Variants in ADAMTS17 observed in about 807,000 individuals in gnomAD.
ADAMTS17 encodes the protein ADAM metallopeptidase with thrombospondin type 1 motif 17, also known as A disintegrin and metalloproteinase with thrombospondin motifs 17.
A neutral mutation model predicts 141.5 loss-of-function variants in ADAMTS17; 113 were observed. The ratio of observed to expected loss-of-function variants is 0.80; its 90% CI spans 0.69 to 0.93. ADAMTS17 has a LOEUF of 0.93. Ranked by LOEUF, ADAMTS17 falls within the 40% of genes least tolerant of loss-of-function variation. ADAMTS17 has a pLI of 0.00. For missense variants in ADAMTS17, 1,659 were observed against 1,517.9 expected (o/e 1.09, Z -1.54); for synonymous variants, 768 against 630.6 (o/e 1.22, Z -3.27).
intron 8 of ADAMTS17, among the ~76,000 whole-genome samples, chr15:100,196,888 T>C (rs2041138597): frequency 6.6e-6 from 1 of 152,202 alleles, no homozygotes; most frequent in Non-Finnish European, 1.5e-5. Context: ...AAGACTTCCC[T>C]GGGAAACCTG....
chr15:100,341,613 G>T (rs1292936547), intron 1 of ADAMTS17, among the ~76,000 whole-genome samples: 8 of 150,162 alleles, frequency 5.3e-5, no homozygotes, highest in Non-Finnish European at 1.2e-4. Context: ...CCGGAACGGC[G>T]CCGCGCATCG....
At chr15:99,975,346 A>C (rs2060299073) in intron 21 of ADAMTS17, among the ~76,000 whole-genome samples, 2 of 152,028 alleles carry the variant, frequency 1.3e-5, no homozygotes, top group Admixed American at 6.6e-5. Flanking sequence ...AGGCGTGGGG[A>C]CTACAGGCAC....
At chr15:100,103,590 C>A (rs1269322528) in intron 14 of ADAMTS17, among the ~76,000 whole-genome samples, 1 of 135,680 alleles carries the variant, frequency 7.4e-6, no homozygotes, top group Non-Finnish European at 1.6e-5. Flanking sequence ...TTTTCTTTTC[C>A]TTTTTTGAGA....
intron 7 of ADAMTS17, among the ~76,000 whole-genome samples, chr15:100,212,243 C>A (rs1596290895): frequency 6.6e-6 from 1 of 152,176 alleles, no homozygotes; most frequent in East Asian, 1.9e-4. Context: ...GCCAGTCTGG[C>A]TGCAGATCCC....
Position 100,262,407 on chromosome 15 carries a change from A to G in ADAMTS17, c.818T>C (p.Leu273Pro), listed in dbSNP as rs2043554644. 3.1e-6 allele frequency: 5 copies of G among 1,613,840 alleles called. No individual in the cohort carries two copies. The highest frequency in any genetic ancestry group is 1.1e-5 in the South Asian group (1 of 91,068). The change falls in exon 5 of 22, where the codon CTG becomes CCG. Residue 273 changes from leucine (L) to proline (P), a missense_variant. Coordinates refer to ENST00000268070, the MANE Select transcript of ADAMTS17 (RefSeq NM_139057.4). ...MVYNMFQHQSLGIKINIQVTK... is the reference protein window; with the variant it reads ...MVYNMFQHQSPGIKINIQVTK... ...CACTTGAATGTTAATTTTAATCCCC[A>G]GGCTCTGGTGCTGAAACATATTGTA...
chr15:100,040,006 G>A (rs1191608309), intron 18 of ADAMTS17, among the ~76,000 whole-genome samples: 1 of 152,050 alleles, frequency 6.6e-6, no homozygotes, highest in Non-Finnish European at 1.5e-5. Flanking sequence ...TATTAGTATA[G>A]CACTCCTGCT....
At chr15:100,103,370 G>A (rs769054869) in intron 14 of ADAMTS17, among the ~76,000 whole-genome samples, 2 of 152,150 alleles carry the variant, frequency 1.3e-5, no homozygotes, top group Non-Finnish European at 2.9e-5. Flanking sequence ...TGTTACCTCT[G>A]CTTTACCTGG....
At chr15:100,141,547 G>A (rs2038654532) in intron 10 of ADAMTS17, among the ~76,000 whole-genome samples, 1 of 152,190 alleles carries the variant, frequency 6.6e-6, no homozygotes, top group Admixed American at 6.5e-5. Flanking sequence ...TACTACTGCA[G>A]TGTGAAGTCT....
chr15:100,193,869 G>A lies in ADAMTS17; in HGVS notation c.1181+5449C>T, dbSNP rs180876501. Among the ~76,000 whole-genome samples the A allele has an allele frequency of 2.7e-3, 414 of 152,308 alleles. 1 individual carries two copies. The highest frequency in any genetic ancestry group is 9.6e-3 in the African/African-American group (399 of 41,570). On this transcript the variant is annotated intron_variant, in intron 8 of 21. Transcript: ENST00000268070. The stretch of plus-strand genomic sequence containing the variant: ...GGGAAACCCGAGGAGGGGCAGGTCT[G>A]GAGAAGCTCCTTCCCGAGGAGAGGC...
chr15:100,299,277 C>A (rs374877811), intron 3 of ADAMTS17, among the ~76,000 whole-genome samples: 3 of 151,392 alleles, frequency 2.0e-5, no homozygotes, highest in African/African-American at 7.3e-5. Context: ...CACCTTTGCA[C>A]GCCCGGACGT....
intron 7 of ADAMTS17, among the ~76,000 whole-genome samples, chr15:100,249,852 A>T (rs1198723604): frequency 6.6e-6 from 1 of 152,202 alleles, no homozygotes; most frequent in African/African-American, 2.4e-5. Context: ...TTTTAAAAAC[A>T]CTCATTAAAA....
chr15:100,184,843 A>C (rs2040651131), intron 8 of ADAMTS17, among the ~76,000 whole-genome samples: 1 of 152,114 alleles, frequency 6.6e-6, no homozygotes, highest in Non-Finnish European at 1.5e-5. Context: ...TGGGATCTGT[A>C]TGTGGCAGGT....
Position 100,232,555 on chromosome 15 carries a change from C to T in ADAMTS17, c.1075+21581G>A, listed in dbSNP as rs568914543. 3.4e-4 allele frequency among the ~76,000 whole-genome samples: 52 copies of T among 152,360 alleles called. No homozygotes were observed. In the South Asian group the frequency reaches 8.7e-3, roughly 25 times the overall value. On this transcript the variant is annotated intron_variant, in intron 7 of 21. Transcript: ENST00000268070. ...CGCTGGTGGGACGTAGATGCCCAAT[C>T]GGCTATTCCCTTCCCCTCCTTTTGA...
chr15:100,151,374 T>A (rs969101958), intron 10 of ADAMTS17, among the ~76,000 whole-genome samples: 13 of 152,284 alleles, frequency 8.5e-5, no homozygotes, highest in African/African-American at 3.1e-4. Context: ...TGTCCCAATT[T>A]CCTAAACTAA....
chr15:100,186,376 C>T (rs117195746), intron 8 of ADAMTS17, among the ~76,000 whole-genome samples: 1 of 152,192 alleles, frequency 6.6e-6, no homozygotes, highest in South Asian at 2.1e-4. Flanking sequence ...AATGCAAATA[C>T]TACTACTATT....
chr15:100,057,391 G>C (rs1197971210), intron 15 of ADAMTS17, among the ~76,000 whole-genome samples: 1 of 152,130 alleles, frequency 6.6e-6, no homozygotes, highest in Non-Finnish European at 1.5e-5. Context: ...CTGCTCCGTA[G>C]AACCCATTTC....
chr15:100,059,407 A>G (rs1045166546), intron 15 of ADAMTS17, among the ~76,000 whole-genome samples: 9 of 152,028 alleles, frequency 5.9e-5, no homozygotes, highest in Non-Finnish European at 1.3e-4. Flanking sequence ...GGGGAGAGGA[A>G]AACACAGGCA....
intron 7 of ADAMTS17, among the ~76,000 whole-genome samples, chr15:100,247,050 A>AT (rs781349128): frequency 6.6e-6 from 1 of 151,682 alleles, no homozygotes; most frequent in Non-Finnish European, 1.5e-5. Flanking sequence ...CACCCGGATA[A>AT]TTTTTTGTAT....
chr15:100,229,362 G>A (rs957568569), intron 7 of ADAMTS17, among the ~76,000 whole-genome samples: 2 of 149,180 alleles, frequency 1.3e-5, no homozygotes, highest in Non-Finnish European at 3.0e-5. Flanking sequence ...CAACTCTGAC[G>A]TGAAACATGA....
Sources: gnomAD v4.1 joint callset for allele counts (sites outside exome capture counted in the v4.1 genomes callset) on GRCh38, gnomAD v4.1.1 for gene constraint, MANE v1.5 for transcripts, NCBI Gene and HGNC (gene_info 2026-07-23, HGNC 2026-07-21) for gene names.